ERAP1: variants seen among roughly 807,000 people sequenced by gnomAD.
The protein encoded by ERAP1 is endoplasmic reticulum aminopeptidase 1.
In ERAP1, 86 loss-of-function variants were observed where a neutral mutation model predicts 103.7. The ratio of observed to expected loss-of-function variants is 0.83; its 90% CI spans 0.70 to 0.99. ERAP1 has a LOEUF of 0.99. Ranked by LOEUF, ERAP1 falls within the 50% of genes least tolerant of loss-of-function variation. The pLI is 0.00. For missense variants in ERAP1, 1,009 were observed against 1,128.4 expected (o/e 0.89, Z 1.52); for synonymous variants, 398 against 402.4 (o/e 0.99, Z 0.13).
chr5:96,801,086 A>G lies in ERAP1; in HGVS notation c.525-86T>C, dbSNP rs1421147484. ...TGTTTGCTTTTTAATTCCTAAAGTT[A>G]CTATAAGATTGATGGATTTTGCTAC... On this transcript the variant is annotated intron_variant, in intron 2 of 18. Coordinates refer to ENST00000443439, the MANE Select transcript of ERAP1 (RefSeq NM_001040458.3). 2.8e-6 allele frequency: 4 copies of G among 1,438,084 alleles called. No individual in the cohort carries two copies. The East Asian group carries it at 9.2e-5, about 33-fold the overall frequency. The allele number at this position is 1,438,084 out of a possible 1,614,324, so 89.1% of individuals were successfully genotyped here.
the ERAP1 span, among the ~76,000 whole-genome samples, chr5:96,932,719 A>C: frequency 1.3e-5 from 2 of 152,230 alleles, no homozygotes; most frequent in African/African-American, 4.8e-5. Context: ...ATTTTGATAA[A>C]AATATCCCTA....
intron 10 of ERAP1, 65 bp downstream of exon 10, chr5:96,790,231 G>T: frequency 2.1e-6 from 3 of 1,457,952 alleles, no homozygotes; most frequent in East Asian, 2.3e-5. Context: ...GCACAGAGCT[G>T]CCTTTCAAAG....
chr5:96,818,829 A>G, the ERAP1 span, among the ~76,000 whole-genome samples: 1 of 152,152 alleles, frequency 6.6e-6, no homozygotes, highest in Non-Finnish European at 1.5e-5. Flanking sequence ...GAGAAAAGTG[A>G]CATTTCTTTG....
the ERAP1 span, among the ~76,000 whole-genome samples, chr5:96,887,464 C>T: frequency 6.6e-6 from 1 of 151,966 alleles, no homozygotes; most frequent in Non-Finnish European, 1.5e-5. Context: ...TCATGCCTGG[C>T]TAATTTTTGT....
the ERAP1 span, among the ~76,000 whole-genome samples, chr5:96,838,379 A>G: frequency 6.6e-6 from 1 of 152,190 alleles, no homozygotes; most frequent in Non-Finnish European, 1.5e-5. Context: ...CCAGTAGTCC[A>G]AAGTCTACAT....
chr5:96,927,612 AAGT>A, the ERAP1 span, among the ~76,000 whole-genome samples: 1 of 151,618 alleles, frequency 6.6e-6, no homozygotes, highest in South Asian at 2.1e-4. Flanking sequence ...TCAGCCTCCC[AAGT>A]AGCTGGGACT....
chr5:96,909,597 T>G, the ERAP1 span: 1 of 1,614,028 alleles, frequency 6.2e-7, no homozygotes, highest in Non-Finnish European at 8.5e-7. Flanking sequence ...TTCTTCAGTA[T>G]TTTAAGCCAG....
intron 5 of ERAP1, among the ~76,000 whole-genome samples, chr5:96,794,603 T>TA (rs1376357276): frequency 6.6e-6 from 1 of 152,128 alleles, no homozygotes; most frequent in African/African-American, 2.4e-5. Flanking sequence ...CACATATACC[T>TA]AAAAAATCAA....
chr5:96,767,785 G>A lies in ERAP1; in HGVS notation c.2819-4557C>T, dbSNP rs187827450. On this transcript the variant is annotated intron_variant, in intron 19 of 19. Transcript: ENST00000296754. ...TTTACAATACATTATTATTAATAAA[G>A]AATGTCAGTCAGTTTTTTTCTTATA... 2.4e-5 allele frequency: 16 copies of A among 654,092 alleles called. 2 individuals are homozygous for A. Among genetic ancestry groups the A allele is most frequent in the African/African-American group, 2.0e-4 (11 of 54,408 alleles). 40.5% of individuals were successfully genotyped at this position (654,092 alleles called of 1,614,324 possible). A position where few individuals can be genotyped will look rare whatever the true frequency, so the allele number is the denominator to read the frequency against.
At chr5:96,824,620 C>T in the ERAP1 span, among the ~76,000 whole-genome samples, 1 of 152,226 alleles carries the variant, frequency 6.6e-6, no homozygotes, top group Non-Finnish European at 1.5e-5. Context: ...TTCTCTCAGC[C>T]TGGAAAACTT....
intron 19 of ERAP1, chr5:96,768,250 A>AT (rs1356582961): frequency 8.7e-6 from 4 of 459,854 alleles, no homozygotes; most frequent in East Asian, 4.6e-5. Context: ...CACCCAGCTA[A>AT]TTTTTGTATT....
At chr5:96,836,300 C>T in the ERAP1 span, among the ~76,000 whole-genome samples, 1 of 150,110 alleles carries the variant, frequency 6.7e-6, no homozygotes, top group Admixed American at 6.7e-5. Context: ...GTCCTGGATT[C>T]AAGCAGTTCT....
chr5:96,780,395 AATATAT>A (rs749830116), intron 18 of ERAP1, 22 bp downstream of exon 18: 2 of 1,469,094 alleles, frequency 1.4e-6, no homozygotes, highest in Non-Finnish European at 9.2e-7. Flanking sequence ...TATGTTTAAA[AATATAT>A]ATATAGATTT....
chr5:96,860,648 G>C, the ERAP1 span, among the ~76,000 whole-genome samples: 1 of 152,116 alleles, frequency 6.6e-6, no homozygotes, highest in African/African-American at 2.4e-5. Context: ...AGGGGGTCTA[G>C]GAAGGTTTCC....
chr5:96,818,621 T>G, the ERAP1 span, among the ~76,000 whole-genome samples: 2 of 152,140 alleles, frequency 1.3e-5, no homozygotes, highest in East Asian at 3.8e-4. Flanking sequence ...GACTACCTCT[T>G]TCCTCCAGCT....
chr5:96,902,283 G>A, the ERAP1 span: 41 of 1,604,124 alleles, frequency 2.6e-5, no homozygotes, highest in Admixed American at 5.0e-5. Flanking sequence ...GGTACCTGTG[G>A]CATATCCCAT....
chr5:96,772,897 A>G (rs552186824), downstream of ERAP1: 1 of 153,736 alleles, frequency 6.5e-6, no homozygotes, highest in Non-Finnish European at 1.5e-5. Context: ...TGTAAGAAAT[A>G]TATTTGATAA....
chr5:96,852,657 C>T, the ERAP1 span, among the ~76,000 whole-genome samples: 7 of 152,006 alleles, frequency 4.6e-5, no homozygotes, highest in South Asian at 2.1e-4. Flanking sequence ...ATTTTAGATG[C>T]GAAGTCCTAT....
chr5:96,784,356 A>G (rs997295491), intron 13 of ERAP1, among the ~76,000 whole-genome samples: 1 of 152,098 alleles, frequency 6.6e-6, no homozygotes, highest in African/African-American at 2.4e-5. Context: ...ATAGGCAGGC[A>G]TGGTGGCAGG....
Sources: gnomAD v4.1 joint callset for allele counts (sites outside exome capture counted in the v4.1 genomes callset) on GRCh38, gnomAD v4.1.1 for gene constraint, MANE v1.5 for transcripts, NCBI Gene and HGNC (gene_info 2026-07-23, HGNC 2026-07-21) for gene names.